Variants in LDAH observed in about 807,000 individuals in gnomAD.
The protein encoded by LDAH is lipid droplet-associated hydrolase.
A neutral mutation model predicts 29.6 loss-of-function variants in LDAH; 26 were observed. The ratio of observed to expected loss-of-function variants is 0.88; its 90% CI spans 0.64 to 1.22. LDAH has a LOEUF of 1.22. Ranked by LOEUF, LDAH falls within the 50% of genes most tolerant of loss-of-function variation. LDAH has a pLI of 0.00. For missense variants in LDAH, 344 were observed against 387.3 expected, an observed-to-expected ratio of 0.89 and a Z score of 0.94; for synonymous variants, 117 against 133.0, an observed-to-expected ratio of 0.88 and a Z score of 0.83.
intron 3 of LDAH, among the ~76,000 whole-genome samples, chr2:20,784,664 C>T (rs544416841): frequency 1.3e-5 from 2 of 152,038 alleles, no homozygotes; most frequent in South Asian, 2.1e-4. Flanking sequence ...GCGGGCAGAT[C>T]GCTTGAGCCC....
intron 1 of LDAH, among the ~76,000 whole-genome samples, chr2:20,814,636 A>G (rs899256046): frequency 6.6e-6 from 1 of 152,084 alleles, no homozygotes; most frequent in African/African-American, 2.4e-5. Flanking sequence ...AACTTTTTGT[A>G]TTTTTGGTAG....
At chr2:20,688,832 T>C (rs1662775059) in intron 6 of LDAH, among the ~76,000 whole-genome samples, 1 of 19,444 alleles carries the variant, frequency 5.1e-5, no homozygotes, top group Non-Finnish European at 1.5e-4. Context: ...GGTTTCCTTT[T>C]TTTTTTTTTT....
intron 6 of LDAH, among the ~76,000 whole-genome samples, chr2:20,688,824 T>C (rs909976348): frequency 1.7e-5 from 2 of 118,864 alleles, no homozygotes; most frequent in African/African-American, 3.2e-5. Context: ...TTCATGGAGG[T>C]TTCCTTTTTT....
intron 1 of LDAH, among the ~76,000 whole-genome samples, chr2:20,806,551 C>A (rs980124642): frequency 1.3e-5 from 2 of 151,820 alleles, no homozygotes; most frequent in Non-Finnish European, 2.9e-5. Flanking sequence ...GCCTAGAAGC[C>A]AACATAAACA....
chr2:20,819,081 A>T (rs933140305), intron 1 of LDAH, among the ~76,000 whole-genome samples: 1 of 152,184 alleles, frequency 6.6e-6, no homozygotes, highest in East Asian at 1.9e-4. Context: ...ACTACTGCTG[A>T]GGACATATTA....
At chr2:20,737,436 TG>T (rs1286141537) in intron 5 of LDAH, among the ~76,000 whole-genome samples, 1 of 152,192 alleles carries the variant, frequency 6.6e-6, no homozygotes, top group Non-Finnish European at 1.5e-5. Context: ...AACAAGGGGC[TG>T]GGAGAGACAA....
intron 6 of LDAH, among the ~76,000 whole-genome samples, chr2:20,688,973 A>T (rs1379609890): frequency 6.6e-6 from 1 of 151,506 alleles, no homozygotes; most frequent in Non-Finnish European, 1.5e-5. Flanking sequence ...ATTTCTCCTA[A>T]TGCTATCCCT....
intron 1 of LDAH, among the ~76,000 whole-genome samples, chr2:20,801,842 G>A (rs1473990756): frequency 6.6e-6 from 1 of 151,834 alleles, no homozygotes; most frequent in Non-Finnish European, 1.5e-5. Flanking sequence ...GCTTGCCCTT[G>A]CATTCACTCC....
intron 4 of LDAH, among the ~76,000 whole-genome samples, chr2:20,748,605 C>T (rs946258934): frequency 6.6e-6 from 1 of 152,176 alleles, no homozygotes; most frequent in East Asian, 1.9e-4. Flanking sequence ...AGGCTCACTG[C>T]AAATTATTCT....
chr2:20,710,729 CATATATATTATACACATATACAT>C (rs1558399674), intron 5 of LDAH, among the ~76,000 whole-genome samples: 1 of 146,524 alleles, frequency 6.8e-6, no homozygotes, highest in Non-Finnish European at 1.5e-5. Context: ...CATATATATA[CATATATATTATACACATATACAT>C]ATATATACAC....
chr2:20,701,495 T>C (rs1663932184), intron 6 of LDAH, 75 bp downstream of exon 6: 1 of 1,167,592 alleles, frequency 8.6e-7, no homozygotes, highest in Non-Finnish European at 1.3e-6. Context: ...AGATTCTAAC[T>C]AGTTCTAGTC....
chr2:20,818,587 T>C (rs999654529), intron 1 of LDAH, among the ~76,000 whole-genome samples: 7 of 152,116 alleles, frequency 4.6e-5, no homozygotes, highest in African/African-American at 1.7e-4. Context: ...TTTTTGCTTC[T>C]TTTTATTTGC....
chr2:20,789,587 T>C (rs1670804105), intron 3 of LDAH, among the ~76,000 whole-genome samples: 1 of 152,136 alleles, frequency 6.6e-6, no homozygotes, highest in Admixed American at 6.5e-5. Context: ...CAGGCCACGG[T>C]TTATCACTTA....
At chr2:20,708,253 G>A (rs1455293558) in intron 5 of LDAH, among the ~76,000 whole-genome samples, 1 of 152,160 alleles carries the variant, frequency 6.6e-6, no homozygotes, top group Non-Finnish European at 1.5e-5. Flanking sequence ...CAAAAAGGTT[G>A]GGGACTGGTA....
intron 4 of LDAH, among the ~76,000 whole-genome samples, chr2:20,764,427 A>G (rs1331433005): frequency 6.6e-6 from 1 of 152,244 alleles, no homozygotes; most frequent in Non-Finnish European, 1.5e-5. Context: ...CTATGTTTGC[A>G]GAATCCTCCA....
At chr2:20,740,304 A>C in intron 4 of LDAH, 99 bp from the exon 5 acceptor site, 1 of 790,682 alleles carries the variant, frequency 1.3e-6, no homozygotes, top group African/African-American at 1.7e-5. Flanking sequence ...AATGGGTTTT[A>C]GAATGACTAG....
At position 20,685,745 on chromosome 2, in the gene LDAH, C is replaced by G. The variant is rs919100379; in HGVS notation, c.*1158G>C. The G allele has an allele frequency of 6.9e-7, 1 of 1,453,988 alleles. No individual in the cohort carries two copies. The highest frequency in any genetic ancestry group is 1.4e-5 in the African/African-American group (1 of 71,134). The allele number at this position is 1,453,988 out of a possible 1,614,324, so 90.1% of individuals were successfully genotyped here. On this transcript the variant is annotated 3_prime_UTR_variant, in exon 7 of 7. Coordinates refer to ENST00000237822, the MANE Select transcript of LDAH (RefSeq NM_021925.4). ...GATTGAGTCAATTTAGGGGAGGCAG[C>G]AATATTGTCAGCCCACTCTAGGCCA...
intron 5 of LDAH, among the ~76,000 whole-genome samples, chr2:20,705,657 A>C (rs1318570668): frequency 6.6e-6 from 1 of 152,190 alleles, no homozygotes; most frequent in Non-Finnish European, 1.5e-5. Flanking sequence ...AATGAGACTT[A>C]AAGTGCTTAT....
At chr2:20,771,767 ATTTATTG>A (rs1669445028) in intron 4 of LDAH, among the ~76,000 whole-genome samples, 1 of 748 alleles carries the variant, frequency 1.3e-3, no homozygotes, top group Non-Finnish European at 0.021. Flanking sequence ...CTTTTGGACA[ATTTATTG>A]CACACATTAT....
Sources: gnomAD v4.1 joint callset for allele counts (sites outside exome capture counted in the v4.1 genomes callset) on GRCh38, gnomAD v4.1.1 for gene constraint, MANE v1.5 for transcripts, NCBI Gene and HGNC (gene_info 2026-07-23, HGNC 2026-07-21) for gene names.